The following DOCK8 variants were observed in gnomAD, a reference collection of about 807,000 sequenced individuals.
The protein encoded by DOCK8 is dedicator of cytokinesis 8.
Under a neutral mutation model 245.6 loss-of-function variants are expected in DOCK8, and 141 were observed. The observed-to-expected ratio is 0.57, with a 90% CI of 0.50 to 0.66. DOCK8 has a LOEUF of 0.66. Among genes scored for constraint, DOCK8 ranks in the 30% least tolerant of loss-of-function variants. The pLI, the probability that DOCK8 is intolerant of heterozygous loss-of-function variation, is 0.00. For synonymous variants in DOCK8, 1,168 were observed against 970.2 expected, an observed-to-expected ratio of 1.20 and a Z score of -3.79; for missense variants, 2,965 against 2,603.4, an observed-to-expected ratio of 1.14 and a Z score of -3.02.
chr9:312,516 CACTA>C (rs2050173044), intron 6 of DOCK8: 1 of 444,388 alleles, frequency 2.3e-6, no homozygotes, highest in African/African-American at 2.0e-5. Context: ...GATGTGTGGT[CACTA>C]ATCCATTGAG....
chr9:226,504 G>C (rs574445127), intron 1 of DOCK8, among the ~76,000 whole-genome samples: 2 of 152,270 alleles, frequency 1.3e-5, no homozygotes, highest in South Asian at 4.1e-4. Flanking sequence ...GAGAATCCAG[G>C]GGAAAGATGA....
At chr9:429,442 C>T (rs1416487391) in intron 35 of DOCK8, among the ~76,000 whole-genome samples, 1 of 152,230 alleles carries the variant, frequency 6.6e-6, no homozygotes, top group Non-Finnish European at 1.5e-5. Flanking sequence ...TGTGATTTCA[C>T]CAGTGAATGC....
intron 14 of DOCK8, among the ~76,000 whole-genome samples, chr9:347,752 A>G (rs2051972199): frequency 6.6e-6 from 1 of 152,168 alleles, no homozygotes; most frequent in Non-Finnish European, 1.5e-5. Context: ...CAGGAACACA[A>G]TCCCCACATT....
intron 22 of DOCK8, among the ~76,000 whole-genome samples, chr9:385,750 C>G (rs541400586): frequency 1.3e-5 from 2 of 152,288 alleles, no homozygotes; most frequent in South Asian, 4.1e-4. Context: ...TCAGTAATAC[C>G]ACTTTCTGAT....
At chr9:435,075 T>C (rs1404400567) in intron 39 of DOCK8, 100 bp downstream of exon 39, 4 of 1,439,516 alleles carry the variant, frequency 2.8e-6, no homozygotes, top group Non-Finnish European at 3.8e-6. Context: ...GATACATTTT[T>C]GGTTATCACA....
rs1266271640 is a variant in DOCK8, at chr9:311,454, T to C, written c.529-500T>C. ...TTTTTTAAGAGACTGAGTCTCATTG[T>C]GTTGCCCAGGCTAGTCTTGAACTCC... is the stretch of plus-strand genomic sequence containing the variant. On this transcript the variant is annotated intron_variant, in intron 5 of 47. Coordinates refer to ENST00000432829, the MANE Select transcript of DOCK8 (RefSeq NM_203447.4). Among the ~76,000 whole-genome samples, 3 of 150,950 alleles carry C rather than the reference T, an allele frequency of 2.0e-5. No individual in the cohort carries two copies. The East Asian group carries it at 5.8e-4, about 29-fold the overall frequency.
chr9:394,148 G>T lies in DOCK8; in HGVS notation c.2971-2637G>T, dbSNP rs143719835. On this transcript the variant is annotated intron_variant, in intron 24 of 47. Transcript: ENST00000432829. ...TGTTCTCCCACGTAATGATCCCCTT[G>T]TTTGTGCTCCTGTTGGCCAACTCCA... Among the ~76,000 whole-genome samples the T allele has an allele frequency of 4.5e-3, 689 of 152,286 alleles. 3 individuals are homozygous for T. The highest frequency in any genetic ancestry group is 0.016 in the African/African-American group (654 of 41,556).
At chr9:310,089 G>C (rs1404517617) in intron 5 of DOCK8, among the ~76,000 whole-genome samples, 1 of 151,942 alleles carries the variant, frequency 6.6e-6, no homozygotes, top group African/African-American at 2.4e-5. Context: ...CCAACATGGT[G>C]AAACCCTGTC....
At chr9:424,137 T>A (rs2056390863) in intron 33 of DOCK8, among the ~76,000 whole-genome samples, 1 of 151,940 alleles carries the variant, frequency 6.6e-6, no homozygotes, top group South Asian at 2.1e-4. Flanking sequence ...AAATTTATAA[T>A]TATAATAATG....
chr9:463,778 G>GAGCTGC, intron 47 of DOCK8, 91 bp downstream of exon 47: 1 of 1,496,500 alleles, frequency 6.7e-7, no homozygotes, highest in Non-Finnish European at 9.2e-7. Context: ...TGCACTTGGG[G>GAGCTGC]AGCTGCAGAA....
At chr9:308,536 A>G (rs1037271123) in intron 5 of DOCK8, among the ~76,000 whole-genome samples, 3 of 152,230 alleles carry the variant, frequency 2.0e-5, no homozygotes, top group African/African-American at 4.8e-5. Flanking sequence ...AAACAAGTAT[A>G]TGATAAGATT....
intron 1 of DOCK8, among the ~76,000 whole-genome samples, chr9:248,115 G>C (rs1216314639): frequency 6.6e-6 from 1 of 152,188 alleles, no homozygotes; most frequent in African/African-American, 2.4e-5. Context: ...GGAGCAGAGA[G>C]CCTCATCTGA....
At chr9:350,609 C>T (rs1189347238) in intron 14 of DOCK8, among the ~76,000 whole-genome samples, 2 of 152,160 alleles carry the variant, frequency 1.3e-5, no homozygotes, top group African/African-American at 4.8e-5. Context: ...AACGAGCCAA[C>T]CCACGGAGGA....
chr9:453,352 AGTT>A (rs34176078), intron 46 of DOCK8, among the ~76,000 whole-genome samples: 18 of 152,320 alleles, frequency 1.2e-4, no homozygotes, highest in Middle Eastern at 3.4e-3. Flanking sequence ...CAGAAAAACT[AGTT>A]GTTGTTGTTG....
chr9:215,109 G>C, intron 1 of DOCK8, 80 bp downstream of exon 1: 4 of 1,503,176 alleles, frequency 2.7e-6, no homozygotes, highest in South Asian at 1.2e-5. Flanking sequence ...TGCAGGGGCC[G>C]AGGCCGGACG....
At chr9:300,077 A>T (rs2049464238) in intron 4 of DOCK8, among the ~76,000 whole-genome samples, 1 of 152,130 alleles carries the variant, frequency 6.6e-6, no homozygotes, top group South Asian at 2.1e-4. Context: ...TTAGTCACCA[A>T]GCTAGTCTTA....
At chr9:456,608 G>A (rs1395519468) in intron 46 of DOCK8, 2 of 152,188 alleles carry the variant, frequency 1.3e-5, no homozygotes, top group Non-Finnish European at 2.9e-5. Flanking sequence ...AAAGAATCCT[G>A]GCAGCCTGAT....
Position 336,697 on chromosome 9 carries a change from C to T in DOCK8, c.1401C>T (p.Ser467=), listed in dbSNP as rs767468728. ...VGSNFKTSTL[S]VSSFFKQEGD... is the part of the protein sequence containing the mutation. Reference sequence around the variant, plus strand: ...CCAACTTCAAAACCTCCACTCTGAGCGTTAGCAGCTTTTTCAAGCAGGTAT... The same window carrying T: ...CCAACTTCAAAACCTCCACTCTGAGTGTTAGCAGCTTTTTCAAGCAGGTAT... The change falls in exon 12 of 48, where the codon AGC becomes AGT. Residue 467 remains serine (S), a synonymous_variant. Transcript: ENST00000432829. The T allele has an allele frequency of 5.6e-6, 9 of 1,613,986 alleles. No individual in the cohort carries two copies. The highest frequency in any genetic ancestry group is 4.4e-5 in the South Asian group (4 of 91,074).
At chr9:400,938 C>CCTCTAGCAATATTAT (rs2055010397) in intron 26 of DOCK8, among the ~76,000 whole-genome samples, 1 of 115,620 alleles carries the variant, frequency 8.6e-6, no homozygotes, top group South Asian at 3.5e-4. Flanking sequence ...ACAACATCCA[C>CCTCTAGCAATATTAT]CACCACCATC....
Sources: gnomAD v4.1 joint callset for allele counts (sites outside exome capture counted in the v4.1 genomes callset) on GRCh38, gnomAD v4.1.1 for gene constraint, MANE v1.5 for transcripts, NCBI Gene and HGNC (gene_info 2026-07-23, HGNC 2026-07-21) for gene names.